LRRK1: variants seen among roughly 807,000 people sequenced by gnomAD.
LRRK1 encodes the protein leucine rich repeat kinase 1, also known as leucine-rich repeat serine/threonine-protein kinase 1.
LRRK1 carries 113 observed loss-of-function variants against 209.1 expected under a neutral mutation model. The ratio of observed to expected loss-of-function variants is 0.54; its 90% CI spans 0.46 to 0.63. LRRK1 has a LOEUF of 0.63. Among genes scored for constraint, LRRK1 ranks in the 30% least tolerant of loss-of-function variants. The pLI is 0.00. For synonymous variants in LRRK1, 1,144 were observed against 1,099.7 expected, an observed-to-expected ratio of 1.04 and a Z score of -0.80; for missense variants, 2,284 against 2,632.2, an observed-to-expected ratio of 0.87 and a Z score of 2.89.
intron 31 of LRRK1, chr15:101,064,585 G>A (rs1596356964): frequency 6.5e-6 from 1 of 153,364 alleles, no homozygotes; most frequent in Non-Finnish European, 1.5e-5. Context: ...CATTGAGGGG[G>A]TGGGGGGCAC....
intron 10 of LRRK1, among the ~76,000 whole-genome samples, chr15:101,012,569 C>G (rs1036676963): frequency 6.6e-6 from 1 of 152,190 alleles, no homozygotes; most frequent in African/African-American, 2.4e-5. Context: ...GCTTGGAGCT[C>G]AGGGCCAACC....
At chr15:101,001,363 CT>C (rs1366052631) in intron 6 of LRRK1, among the ~76,000 whole-genome samples, 1 of 152,192 alleles carries the variant, frequency 6.6e-6, no homozygotes. Context: ...TGCAGATAAC[CT>C]GGGATGAGCC....
intron 13 of LRRK1, 86 bp from the exon 14 acceptor site, chr15:101,021,759 A>G: frequency 2.1e-6 from 2 of 943,044 alleles, no homozygotes; most frequent in Non-Finnish European, 3.3e-6. Context: ...AGAGGCTGAC[A>G]GGAGCCACGT....
At chr15:100,954,090 A>T (rs1251812466) in intron 2 of LRRK1, among the ~76,000 whole-genome samples, 1 of 151,920 alleles carries the variant, frequency 6.6e-6, no homozygotes, top group Admixed American at 6.6e-5. Flanking sequence ...TAATTTTTGT[A>T]TTTTTAGTAG....
At chr15:100,935,067 T>G (rs998045909) in intron 2 of LRRK1, among the ~76,000 whole-genome samples, 1 of 152,146 alleles carries the variant, frequency 6.6e-6, no homozygotes, top group Non-Finnish European at 1.5e-5. Context: ...CTGGTCTTAG[T>G]CCTACACTCC....
intron 22 of LRRK1, 78 bp downstream of exon 22, chr15:101,048,735 C>G: frequency 8.0e-7 from 1 of 1,247,460 alleles, no homozygotes; most frequent in Middle Eastern, 2.2e-4. Flanking sequence ...AGCAGGATGC[C>G]TCATCCTCTT....
intron 2 of LRRK1, among the ~76,000 whole-genome samples, chr15:100,948,642 TAA>T (rs2042588261): frequency 6.6e-6 from 1 of 152,148 alleles, no homozygotes; most frequent in Non-Finnish European, 1.5e-5. Flanking sequence ...CAAGCCTCCA[TAA>T]ATGTAAAAGA....
chr15:100,969,831 C>A (rs1389784763), intron 2 of LRRK1, among the ~76,000 whole-genome samples: 3 of 151,964 alleles, frequency 2.0e-5, no homozygotes, highest in African/African-American at 7.3e-5. Context: ...AATCTTATTC[C>A]TTTTTATGGC....
Position 101,025,003 on chromosome 15 carries a change from G to T in LRRK1, c.2232+36G>T, listed in dbSNP as rs767473598. Reference sequence around the variant, plus strand: ...CAGACGCCAGCCCTGCCATTTCAGTGCCCAGAGCTTTGCAGGTCCCACCGC... The same window carrying T: ...CAGACGCCAGCCCTGCCATTTCAGTTCCCAGAGCTTTGCAGGTCCCACCGC... On this transcript the variant is annotated intron_variant, in intron 16 of 33. Transcript: ENST00000388948. The T allele has an allele frequency of 4.4e-6, 7 of 1,598,388 alleles. No individual in the cohort carries two copies. In the East Asian group the frequency reaches 1.1e-4, roughly 26 times the overall value.
chr15:101,006,624 C>T (rs142823692), intron 6 of LRRK1, among the ~76,000 whole-genome samples: 244 of 118,828 alleles, frequency 2.1e-3, no homozygotes, highest in African/African-American at 0.01. Flanking sequence ...AATTATACGG[C>T]TGTTGTGTAG....
rs965319519 is a variant in LRRK1, at chr15:101,015,495, G to T, written c.1609+93G>T. ...AAAGTGGGGATCGCCCTTATCTTGGGCCTTCCCCTTCAATGCCCTGTTGCA... is the reference window on the plus strand; with the variant it reads ...AAAGTGGGGATCGCCCTTATCTTGGTCCTTCCCCTTCAATGCCCTGTTGCA... On this transcript the variant is annotated intron_variant, in intron 12 of 33. Coordinates refer to ENST00000388948, the MANE Select transcript of LRRK1 (RefSeq NM_024652.6). 1.6e-5 allele frequency: 15 copies of T among 932,442 alleles called. No individual in the cohort carries two copies. In the African/African-American group the frequency reaches 2.5e-4, roughly 15 times the overall value. 57.8% of individuals were successfully genotyped at this position (932,442 alleles called of 1,614,324 possible).
rs2035297489 is a variant in LRRK1 at position 101,049,795 on chromosome 15, T to C, written c.3439+12T>C. The C allele has an allele frequency of 6.8e-6, 11 of 1,609,966 alleles. No homozygotes were observed. The highest frequency in any genetic ancestry group is 8.5e-6 in the Non-Finnish European group (10 of 1,178,050). On this transcript the variant is annotated intron_variant, in intron 23 of 33. Coordinates refer to ENST00000388948, the MANE Select transcript of LRRK1 (RefSeq NM_024652.6). Reference sequence around the variant, plus strand: ...TCAGTGGTTTCCCGGTAAGAGGAGATGCTAGAAGCAAGCCCTCATTCATGC... The same window carrying C: ...TCAGTGGTTTCCCGGTAAGAGGAGACGCTAGAAGCAAGCCCTCATTCATGC...
At chr15:101,039,005 C>G (rs990113034) in intron 20 of LRRK1, among the ~76,000 whole-genome samples, 1 of 152,212 alleles carries the variant, frequency 6.6e-6, no homozygotes, top group Non-Finnish European at 1.5e-5. Context: ...AATCACAGTT[C>G]TAGGGTTTAG....
At chr15:101,008,581 G>C (rs1034842158) in intron 6 of LRRK1, among the ~76,000 whole-genome samples, 2 of 152,208 alleles carry the variant, frequency 1.3e-5, no homozygotes, top group Non-Finnish European at 2.9e-5. Context: ...GGCGCCCTCT[G>C]GAGGTTGGAG....
intron 1 of LRRK1, among the ~76,000 whole-genome samples, chr15:100,923,101 C>T (rs1449037414): frequency 3.9e-5 from 6 of 152,206 alleles, no homozygotes; most frequent in Non-Finnish European, 7.3e-5. Flanking sequence ...AGTGGGAGAC[C>T]CGCTGGCCTC....
In LRRK1 at chr15:100,945,482, C is replaced by CTTTT. The variant is rs34038990; in HGVS notation, c.97+20781_97+20784dup. Reference sequence around the variant, plus strand: ...TTTAAAAACTATCTCTGCAGAGCCTCTTTTTTTTTTTTTTTTTTTTTTTTT... The same window carrying CTTTT: ...TTTAAAAACTATCTCTGCAGAGCCTCTTTTTTTTTTTTTTTTTTTTTTTTTTTTT... On this transcript the variant is annotated intron_variant, in intron 2 of 33. Transcript: ENST00000388948. 7.3e-3 allele frequency among the ~76,000 whole-genome samples: 465 copies of CTTTT among 63,614 alleles called. 47 individuals are homozygous for CTTTT. The highest frequency in any genetic ancestry group is 0.013 in the Middle Eastern group (1 of 78). 41.7% of individuals were successfully genotyped at this position (63,614 alleles called of 152,430 possible).
intron 9 of LRRK1, among the ~76,000 whole-genome samples, chr15:101,011,756 G>A (rs983919894): frequency 1.3e-5 from 2 of 152,082 alleles, no homozygotes; most frequent in East Asian, 3.9e-4. Flanking sequence ...ACAATGGGCC[G>A]GATGTTCTGG....
intron 4 of LRRK1, 110 bp downstream of exon 4, chr15:100,983,809 T>C (rs781067584): frequency 1.8e-6 from 2 of 1,140,322 alleles, no homozygotes; most frequent in Admixed American, 1.7e-5. Flanking sequence ...GATCAAGAAA[T>C]ACAGGGTAGG....
At chr15:101,057,959 T>G (rs778421166) in intron 28 of LRRK1, 31 bp from the exon 29 acceptor site, 7 of 1,613,054 alleles carry the variant, frequency 4.3e-6, no homozygotes, top group Non-Finnish European at 5.9e-6. Context: ...GTAAGTGACC[T>G]TGCTCTCTTC....
Sources: allele counts gnomAD v4.1 joint callset (sites outside exome capture counted in the v4.1 genomes callset), GRCh38; gene constraint gnomAD v4.1.1; transcripts MANE v1.5; gene names NCBI Gene and HGNC (gene_info 2026-07-23, HGNC 2026-07-21).